Variants in MYCBP observed in about 807,000 individuals in gnomAD.
The protein encoded by MYCBP is C-Myc-binding protein.
Under a neutral mutation model 16.8 loss-of-function variants are expected in MYCBP, and 5 were observed. The ratio of observed to expected loss-of-function variants is 0.30; its 90% CI spans 0.16 to 0.63. The LOEUF (loss-of-function observed/expected upper bound fraction) is 0.63. Ranked by LOEUF, MYCBP falls within the 20% of genes least tolerant of loss-of-function variation. MYCBP has a pLI of 0.83. For synonymous variants in MYCBP, 35 were observed against 43.7 expected, an observed-to-expected ratio of 0.80 and a Z score of 0.79; for missense variants, 103 against 121.8, an observed-to-expected ratio of 0.85 and a Z score of 0.73.
Position 38,863,217 on chromosome 1 carries a change from CCTA to C in MYCBP, c.*1450_*1452del, listed in dbSNP as rs1570878534. 1 of 152,186 alleles carries C rather than the reference CCTA, an allele frequency of 6.6e-6. No homozygotes were observed. Among genetic ancestry groups the C allele is most frequent in the South Asian group, 2.1e-4 (1 of 4,832 alleles). 9.4% of individuals were successfully genotyped at this position (152,186 alleles called of 1,614,324 possible). On this transcript the variant is annotated 3_prime_UTR_variant, in exon 5 of 5. Transcript: ENST00000397572. ...AAGAGGCACCAGCCATAGCCACATTCCTACTAACAGGGCTGATTTAAATGCCCT... is the reference window on the plus strand; with the variant it reads ...AAGAGGCACCAGCCATAGCCACATTCCTAACAGGGCTGATTTAAATGCCCT...
intron 2 of MYCBP, among the ~76,000 whole-genome samples, chr1:38,868,345 G>T (rs1222480823): frequency 6.6e-6 from 1 of 152,118 alleles, no homozygotes; most frequent in East Asian, 1.9e-4. Flanking sequence ...ATTCAAAAAT[G>T]GTCTTAAAAA....
chr1:38,863,191 G>C lies in MYCBP; in HGVS notation c.*1479C>G, dbSNP rs1217409111. 1 of 152,232 alleles carries C rather than the reference G, an allele frequency of 6.6e-6. No homozygotes were observed. 9.4% of individuals were successfully genotyped at this position (152,232 alleles called of 1,614,324 possible). On this transcript the variant is annotated 3_prime_UTR_variant, in exon 5 of 5. Coordinates refer to ENST00000397572, the MANE Select transcript of MYCBP (RefSeq NM_012333.5). ...CCCTCCAAAAACAAACTTGTGACTA[G>C]AAGAGGCACCAGCCATAGCCACATT... is the stretch of plus-strand genomic sequence containing the variant.
intron 4 of MYCBP, among the ~76,000 whole-genome samples, chr1:38,865,246 C>A (rs1005210366): frequency 6.6e-6 from 1 of 152,210 alleles, no homozygotes; most frequent in African/African-American, 2.4e-5. Flanking sequence ...TGCAAGAACA[C>A]TAGGCTAACA....
At chr1:38,866,053 T>TA (rs1310346789) in intron 4 of MYCBP, among the ~76,000 whole-genome samples, 1 of 133,966 alleles carries the variant, frequency 7.5e-6, no homozygotes, top group Non-Finnish European at 1.6e-5. Context: ...TCTTTTTTTT[T>TA]TTTTTTTTTT....
upstream of MYCBP, chr1:38,873,372 C>T: frequency 6.4e-7 from 1 of 1,563,600 alleles, no homozygotes; most frequent in Non-Finnish European, 8.6e-7. Context: ...CAGCACTGCT[C>T]ATGCGCGGAA....
chr1:38,864,357 T>C lies in MYCBP; in HGVS notation c.*313A>G. 5.2e-6 allele frequency: 2 copies of C among 382,366 alleles called. No homozygotes were observed. The highest frequency in any genetic ancestry group is 9.8e-6 in the Non-Finnish European group (2 of 204,786). 23.7% of individuals were successfully genotyped at this position (382,366 alleles called of 1,614,324 possible). A position where few individuals can be genotyped will look rare whatever the true frequency, so the allele number is the denominator to read the frequency against. Reference sequence around the variant, plus strand: ...ACCAAGGAATAGCTCCATGCTAAACTGTCTTGGCTAAAATACAACCAGTGC... The same window carrying C: ...ACCAAGGAATAGCTCCATGCTAAACCGTCTTGGCTAAAATACAACCAGTGC... On this transcript the variant is annotated 3_prime_UTR_variant, in exon 5 of 5. Coordinates refer to ENST00000397572, the MANE Select transcript of MYCBP (RefSeq NM_012333.5).
intron 2 of MYCBP, among the ~76,000 whole-genome samples, chr1:38,872,209 C>G (rs1251724804): frequency 3.3e-5 from 5 of 152,334 alleles, no homozygotes; most frequent in South Asian, 2.1e-4. Flanking sequence ...CCCAAGTCCT[C>G]ATCCCTGCGA....
rs775818715 is a variant in MYCBP, at chr1:38,864,691, C to CT, written c.290dup (p.Glu98GlyfsTer6). On this transcript the variant is annotated frameshift_variant, in exon 5 of 5. Transcript: ENST00000397572. LOFTEE classifies it high-confidence loss of function. ...AATCCTATTCAGCACGCTTCTCCTC[C>CT]TGAGGTGGTTCATACTGAGCAAGCT... 64 of 1,613,816 alleles carry CT rather than the reference C, an allele frequency of 4.0e-5. No homozygotes were observed. The highest frequency in any genetic ancestry group is 1.6e-4 in the Middle Eastern group (1 of 6,080).
At chr1:38,868,527 A>G (rs1026829599) in intron 2 of MYCBP, among the ~76,000 whole-genome samples, 1 of 152,204 alleles carries the variant, frequency 6.6e-6, no homozygotes, top group Non-Finnish European at 1.5e-5. Context: ...TACTACTTAG[A>G]TAAAAAACTC....
rs769601729 is a variant in MYCBP, at chr1:38,866,936, C to T, written c.211G>A (p.Glu71Lys). The change falls in exon 4 of 5, where the codon GAA (glutamate) becomes AAA (lysine). Residue 71 changes from glutamate (E) to lysine (K), a missense_variant. Transcript: ENST00000397572. ...ATAGCTTCATACTTCTCTTTCATTT[C>T]GGCCAGTTCTAGGCGAAGCAGCTCT... ...EIELLRLELAEMKEKYEAIVE... is the reference protein window; with the variant it reads ...EIELLRLELAKMKEKYEAIVE... 24 of 1,593,988 alleles carry T rather than the reference C, an allele frequency of 1.5e-5. No homozygotes were observed. The highest frequency in any genetic ancestry group is 1.7e-4 in the Middle Eastern group (1 of 5,720).
At chr1:38,865,793 G>A (rs908744522) in intron 4 of MYCBP, among the ~76,000 whole-genome samples, 3 of 151,902 alleles carry the variant, frequency 2.0e-5, no homozygotes, top group African/African-American at 7.3e-5. Context: ...CAGAGAACCT[G>A]TCTCAAAAAA....
In MYCBP at chr1:38,867,016, T is replaced by C; in HGVS notation, c.138-7A>G. On this transcript the variant is annotated splice_region_variant and splice_polypyrimidine_tract_variant and intron_variant, in intron 3 of 4. Coordinates refer to ENST00000397572, the MANE Select transcript of MYCBP (RefSeq NM_012333.5). ...TAAGTGATGCTTTAAAAAACTATTA[T>C]CAATGTTAAGAACTTACTTCTTAGA... The C allele has an allele frequency of 6.2e-7, 1 of 1,606,786 alleles. No individual in the cohort carries two copies. Among genetic ancestry groups the C allele is most frequent in the Non-Finnish European group, 8.5e-7 (1 of 1,175,744 alleles).
chr1:38,869,590 A>G (rs1237232427), intron 2 of MYCBP, among the ~76,000 whole-genome samples: 1 of 152,086 alleles, frequency 6.6e-6, no homozygotes, highest in African/African-American at 2.4e-5. Context: ...TCTATACCCA[A>G]TCATGCTCCC....
chr1:38,869,277 G>A (rs1435839665), intron 2 of MYCBP, among the ~76,000 whole-genome samples: 4 of 151,988 alleles, frequency 2.6e-5, no homozygotes, highest in Admixed American at 6.5e-5. Context: ...TAGTAGAGAC[G>A]GGGTTTCTCT....
At chr1:38,870,560 G>A (rs919824810) in intron 2 of MYCBP, among the ~76,000 whole-genome samples, 73 of 151,572 alleles carry the variant, frequency 4.8e-4, no homozygotes, top group African/African-American at 6.8e-4. Flanking sequence ...TTGGGAGGCC[G>A]AGGCGGGTGG....
At chr1:38,867,172 T>G (rs1407551378) in intron 3 of MYCBP, among the ~76,000 whole-genome samples, 163 bp from the exon 4 acceptor site, 1 of 152,154 alleles carries the variant, frequency 6.6e-6, no homozygotes, top group Non-Finnish European at 1.5e-5. Context: ...CTTGGCCAGG[T>G]GCGGTTGCTC....
At chr1:38,865,250 G>C (rs1249328982) in intron 4 of MYCBP, among the ~76,000 whole-genome samples, 1 of 152,192 alleles carries the variant, frequency 6.6e-6, no homozygotes, top group Middle Eastern at 3.2e-3. Flanking sequence ...AGAACACTAG[G>C]CTAACATTAG....
chr1:38,873,315 G>T lies in MYCBP; in HGVS notation c.-10C>A, dbSNP rs200828601. 1 of 1,601,540 alleles carries T rather than the reference G, an allele frequency of 6.2e-7. No homozygotes were observed. On this transcript the variant is annotated 5_prime_UTR_variant, in exon 1 of 5. Transcript: ENST00000397572. ...CTTTGTAATGGGCCATAGTGACAGC[G>T]GCAGCGGCGTAGCTGGCGCCGGAGA...
intron 4 of MYCBP, among the ~76,000 whole-genome samples, chr1:38,865,560 C>T (rs908498703): frequency 3.9e-5 from 6 of 152,182 alleles, no homozygotes; most frequent in African/African-American, 1.2e-4. Context: ...CCCAACACTT[C>T]GGGAGGCCAG....
Sources: allele counts gnomAD v4.1 joint callset (sites outside exome capture counted in the v4.1 genomes callset), GRCh38; gene constraint gnomAD v4.1.1; transcripts MANE v1.5; gene names NCBI Gene and HGNC (gene_info 2026-07-23, HGNC 2026-07-21).